Variants in TSHZ2 observed in about 807,000 individuals in gnomAD.
TSHZ2 encodes the protein teashirt homolog 2.
In TSHZ2, 21 loss-of-function variants were observed where a neutral mutation model predicts 74.4. The ratio of observed to expected loss-of-function variants is 0.28; its 90% confidence interval spans 0.20 to 0.41. The LOEUF (loss-of-function observed/expected upper bound fraction) is 0.41. Among genes scored for constraint, TSHZ2 ranks in the 10% least tolerant of loss-of-function variants. The probability of loss-of-function intolerance (pLI) is 1.00; values close to 1 mark genes in which losing one functional copy is unlikely to be tolerated. For missense variants in TSHZ2, 1,244 were observed against 1,293.5 expected (o/e 0.96, Z 0.59); for synonymous variants, 540 against 515.3 (o/e 1.05, Z -0.65).
chr20:52,982,362 TA>T (rs1451295065), intron 1 of TSHZ2, among the ~76,000 whole-genome samples: 1 of 152,198 alleles, frequency 6.6e-6, no homozygotes, highest in African/African-American at 2.4e-5. Context: ...CCCTCAGTCT[TA>T]TTATTCTCCC....
intron 2 of TSHZ2, among the ~76,000 whole-genome samples, chr20:53,472,677 G>A (rs1985850508): frequency 6.6e-6 from 1 of 152,006 alleles, no homozygotes; most frequent in South Asian, 2.1e-4. Context: ...AATAGGAACA[G>A]CTCCAGTCTA....
chr20:53,031,653 G>A (rs536032912), intron 1 of TSHZ2, among the ~76,000 whole-genome samples: 47 of 152,328 alleles, frequency 3.1e-4, no homozygotes, highest in African/African-American at 1.1e-3. Context: ...GCTTCACTCT[G>A]TAGTGGGAGG....
At chr20:53,236,028 A>T (rs1989932055) in intron 1 of TSHZ2, among the ~76,000 whole-genome samples, 1 of 152,224 alleles carries the variant, frequency 6.6e-6, no homozygotes, top group African/African-American at 2.4e-5. Flanking sequence ...GCCAAATGCA[A>T]AGTTCACCAA....
chr20:53,362,100 G>A (rs910736254), intron 2 of TSHZ2, among the ~76,000 whole-genome samples: 3 of 151,978 alleles, frequency 2.0e-5, no homozygotes, highest in African/African-American at 7.2e-5. Context: ...CCAACCTCAG[G>A]TGATCCACCA....
At chr20:53,461,477 G>A (rs1037655761) in intron 2 of TSHZ2, 8 of 153,146 alleles carry the variant, frequency 5.2e-5, no homozygotes, top group East Asian at 1.9e-4. Flanking sequence ...ACCTCAGATG[G>A]AAATGCAGAA....
intron 1 of TSHZ2, among the ~76,000 whole-genome samples, chr20:53,075,499 A>C (rs527414473): frequency 3.0e-4 from 46 of 152,326 alleles, no homozygotes; most frequent in Admixed American, 1.3e-3. Flanking sequence ...CAAGCTATAA[A>C]AGGAGCGACA....
chr20:53,400,930 A>T (rs1027338663), intron 2 of TSHZ2, among the ~76,000 whole-genome samples: 7 of 152,206 alleles, frequency 4.6e-5, no homozygotes, highest in African/African-American at 1.7e-4. Flanking sequence ...ATTCTAACAA[A>T]CATCTCTCAT....
At chr20:53,001,947 CAAGGCTTA>C (rs1490692301) in intron 1 of TSHZ2, among the ~76,000 whole-genome samples, 1 of 152,212 alleles carries the variant, frequency 6.6e-6, no homozygotes, top group African/African-American at 2.4e-5. Context: ...ACCTTTTTAT[CAAGGCTTA>C]AAGGAAGTAT....
intron 2 of TSHZ2, among the ~76,000 whole-genome samples, chr20:53,357,249 C>T (rs983810404): frequency 3.5e-4 from 53 of 152,234 alleles, no homozygotes; most frequent in African/African-American, 1.1e-3. Flanking sequence ...ATTCATGTCA[C>T]GTGTTAATTT....
chr20:53,011,247 T>C (rs138373382), intron 1 of TSHZ2, among the ~76,000 whole-genome samples: 130 of 152,344 alleles, frequency 8.5e-4, no homozygotes, highest in African/African-American at 2.4e-3. Context: ...TTGTGCACTG[T>C]GCAAGTCTGC....
chr20:53,259,103 G>A (rs146006495), intron 2 of TSHZ2, among the ~76,000 whole-genome samples: 30 of 152,256 alleles, frequency 2.0e-4, no homozygotes, highest in Admixed American at 2.0e-3. Flanking sequence ...CTTGCCCATT[G>A]CTTAGAATGA....
At chr20:53,415,065 G>GT (rs1983189255) in intron 2 of TSHZ2, among the ~76,000 whole-genome samples, 2 of 152,170 alleles carry the variant, frequency 1.3e-5, no homozygotes, top group Non-Finnish European at 2.9e-5. Context: ...CTTTACAAAG[G>GT]TGGCAGCGAA....
chr20:53,483,502 C>A (rs796513522), intron 2 of TSHZ2, among the ~76,000 whole-genome samples: 2 of 152,106 alleles, frequency 1.3e-5, no homozygotes, highest in South Asian at 4.2e-4. Context: ...CAGAACAAAA[C>A]CCTGTCCCCC....
intron 2 of TSHZ2, among the ~76,000 whole-genome samples, chr20:53,322,994 C>T (rs1048208099): frequency 2.0e-5 from 3 of 152,190 alleles, no homozygotes; most frequent in Admixed American, 2.0e-4. Context: ...GGTAACCAGC[C>T]TTCCCAGTTT....
chr20:53,070,302 T>G (rs1985129996), intron 1 of TSHZ2, among the ~76,000 whole-genome samples: 1 of 152,176 alleles, frequency 6.6e-6, no homozygotes, highest in African/African-American at 2.4e-5. Flanking sequence ...TCCACAAGAT[T>G]TATCAGTCTT....
intron 2 of TSHZ2, among the ~76,000 whole-genome samples, chr20:53,321,841 G>A (rs910700838): frequency 4.6e-5 from 7 of 151,874 alleles, no homozygotes; most frequent in Non-Finnish European, 8.8e-5. Context: ...GTGTGGACCC[G>A]GTGATGCCTG....
intron 1 of TSHZ2, among the ~76,000 whole-genome samples, chr20:53,073,391 T>G (rs1272651458): frequency 6.6e-6 from 1 of 151,122 alleles, no homozygotes; most frequent in Non-Finnish European, 1.5e-5. Context: ...CATTCATCAT[T>G]TAATCCATTC....
chr20:52,993,990 A>G (rs1290894204), intron 1 of TSHZ2, among the ~76,000 whole-genome samples: 1 of 152,234 alleles, frequency 6.6e-6, no homozygotes, highest in Non-Finnish European at 1.5e-5. Context: ...TACAAATCTC[A>G]TTCCAAGAAT....
chr20:53,293,989 G>A (rs1991330578), intron 2 of TSHZ2, among the ~76,000 whole-genome samples: 1 of 152,140 alleles, frequency 6.6e-6, no homozygotes, highest in Non-Finnish European at 1.5e-5. Flanking sequence ...CTGCACTCCA[G>A]CCTGGCGACA....
Sources: gnomAD v4.1 joint callset for allele counts (sites outside exome capture counted in the v4.1 genomes callset) on GRCh38, gnomAD v4.1.1 for gene constraint, MANE v1.5 for transcripts, NCBI Gene and HGNC (gene_info 2026-07-23, HGNC 2026-07-21) for gene names.